Variants in TUT7 observed in about 807,000 individuals in gnomAD.
TUT7 encodes terminal uridylyl transferase 7.
TUT7 carries 33 observed loss-of-function variants against 165.9 expected under a neutral mutation model. That is an observed-to-expected ratio of 0.20 (90% CI 0.15 to 0.27). The LOEUF (loss-of-function observed/expected upper bound fraction) is 0.27, where lower values mean the gene tolerates loss of function less well. Among genes scored for constraint, TUT7 ranks in the 10% least tolerant of loss-of-function variants. The pLI is 1.00. For missense variants in TUT7, 1,338 were observed against 1,762.3 expected (o/e 0.76, Z 4.31); for synonymous variants, 552 against 608.1 (o/e 0.91, Z 1.36).
At chr9:86,322,587 T>C in intron 13 of TUT7, 112 bp from the exon 14 acceptor site, 1 of 1,345,392 alleles carries the variant, frequency 7.4e-7, no homozygotes, top group East Asian at 2.5e-5. Context: ...CCAAAGGAAA[T>C]GAAAATATAA....
At chr9:86,320,344 C>T (rs1029096933) in intron 14 of TUT7, among the ~76,000 whole-genome samples, 4 of 150,960 alleles carry the variant, frequency 2.6e-5, no homozygotes, top group African/African-American at 9.7e-5. Flanking sequence ...AAACAAGTTC[C>T]TTCATTTTAA....
At chr9:86,298,813 T>C in intron 26 of TUT7, 1 of 985,258 alleles carries the variant, frequency 1.0e-6, no homozygotes, top group Non-Finnish European at 1.2e-6. Flanking sequence ...TCTTTTTGTC[T>C]TCATGTAAAA....
At chr9:86,338,725 AT>A (rs1831063628) in intron 9 of TUT7, 97 bp downstream of exon 9, 1 of 1,302,050 alleles carries the variant, frequency 7.7e-7, no homozygotes, top group Admixed American at 2.9e-5. Context: ...ATGTCTATAA[AT>A]TTGCATTTAA....
intron 26 of TUT7, among the ~76,000 whole-genome samples, chr9:86,300,674 G>C (rs995064365): frequency 6.6e-6 from 1 of 152,220 alleles, no homozygotes; most frequent in South Asian, 2.1e-4. Context: ...CAGATTTGTG[G>C]ATGGTGTTGT....
chr9:86,314,773 G>A lies in TUT7; in HGVS notation c.3274+2446C>T, dbSNP rs1418950299. 2.6e-5 allele frequency among the ~76,000 whole-genome samples: 4 copies of A among 152,172 alleles called. No individual in the cohort carries two copies. The East Asian group carries it at 7.7e-4, about 29-fold the overall frequency. On this transcript the variant is annotated intron_variant, in intron 17 of 26. Coordinates refer to ENST00000375963, the MANE Select transcript of TUT7 (RefSeq NM_024617.4). ...CTTTCCCTCCTGAAGAAACTTCAGT[G>A]CTTCCAAATATCTATAGACTTCATC...
At chr9:86,315,321 A>C (rs866308087) in intron 17 of TUT7, among the ~76,000 whole-genome samples, 15 of 152,228 alleles carry the variant, frequency 9.9e-5, no homozygotes, top group African/African-American at 3.6e-4. Flanking sequence ...TAATCTAAAA[A>C]TGATCTGTTT....
At chr9:86,339,943 A>T (rs1427093823) in intron 8 of TUT7, 93 bp downstream of exon 8, 4 of 971,378 alleles carry the variant, frequency 4.1e-6, no homozygotes, top group African/African-American at 1.6e-5. Context: ...TAAAAAGCTT[A>T]TAATTCTAGA....
In TUT7 at chr9:86,329,299, G is replaced by A. The variant is rs568341740; in HGVS notation, c.1456-807C>T. On this transcript the variant is annotated intron_variant, in intron 10 of 26. Transcript: ENST00000375963. ...AGCACTTTGGGAGGCTGAGGTGGGC[G>A]GATCACCTAAGGTCAGGAGTTCGAG... Among the ~76,000 whole-genome samples, 982 of 152,024 alleles carry A rather than the reference G, an allele frequency of 6.5e-3. 2 individuals carry two copies. Among genetic ancestry groups the A allele is most frequent in the Non-Finnish European group, 9.6e-3 (654 of 67,978 alleles).
Position 86,300,573 on chromosome 9 carries a change from A to G in TUT7, c.4420+703T>C, listed in dbSNP as rs1217211250. ...TATTATACACACACAAGGTACCCTT[A>G]TAGTTAGTAGTCTGTTTAAAAGGTG... On this transcript the variant is annotated intron_variant, in intron 26 of 26. Coordinates refer to ENST00000375963, the MANE Select transcript of TUT7 (RefSeq NM_024617.4). Among the ~76,000 whole-genome samples, 12 of 152,366 alleles carry G rather than the reference A, an allele frequency of 7.9e-5. No individual in the cohort carries two copies. The East Asian group carries it at 2.1e-3, about 27-fold the overall frequency.
At chr9:86,314,820 T>C (rs538234736) in intron 17 of TUT7, among the ~76,000 whole-genome samples, 5 of 152,334 alleles carry the variant, frequency 3.3e-5, no homozygotes, top group Admixed American at 1.3e-4. Flanking sequence ...TATTTCCCAT[T>C]TGAAAATCTC....
intron 26 of TUT7, 114 bp downstream of exon 26, chr9:86,301,162 T>G: frequency 1.0e-6 from 1 of 982,820 alleles, no homozygotes; most frequent in South Asian, 1.8e-5. Context: ...AAGATCTTTT[T>G]TGAGTAAATA....
At position 86,323,090 on chromosome 9, in the gene TUT7, C is replaced by G. The variant is rs1387370224; in HGVS notation, c.2660G>C (p.Gly887Ala). 6.2e-7 allele frequency: 1 copy of G among 1,614,054 alleles called. No homozygotes were observed. Among genetic ancestry groups the G allele is most frequent in the African/African-American group, 1.3e-5 (1 of 74,920 alleles). Residue 887 changes from glycine (G) to alanine (A), a missense_variant, in exon 13 of 27, where the codon GGG (glycine) becomes GCG (alanine). Around this residue, in one of 7 missense-constraint regions of TUT7, gnomAD observed 425 missense variants for 474.9 expected, o/e 0.89. Coordinates refer to ENST00000375963, the MANE Select transcript of TUT7 (RefSeq NM_024617.4). ...CTCTTCAGATAGGGCGTCCTCATCC[C>G]CTGACCCAGTGTAGGTGTTGTCTAA... ...DELDNTYTGS[G>A]DEDALSEEDD...
intron 10 of TUT7, among the ~76,000 whole-genome samples, chr9:86,331,014 G>A (rs1280675902): frequency 2.6e-5 from 4 of 151,784 alleles, no homozygotes; most frequent in African/African-American, 4.8e-5. Flanking sequence ...CTGAGTAGCT[G>A]GGACTAGGGT....
chr9:86,289,655 A>G (rs1237629397), intron 26 of TUT7, among the ~76,000 whole-genome samples: 1 of 152,140 alleles, frequency 6.6e-6, no homozygotes, highest in Non-Finnish European at 1.5e-5. Context: ...AGAGAAAAGA[A>G]TGAACACCAA....
intron 11 of TUT7, among the ~76,000 whole-genome samples, 171 bp from the exon 12 acceptor site, chr9:86,325,685 AACAGCATTACTTC>A (rs1156449983): frequency 6.6e-6 from 1 of 152,362 alleles, no homozygotes; most frequent in East Asian, 1.9e-4. Context: ...TTTGTGGTAA[AACAGCATTACTTC>A]ACTGCACTAT....
At chr9:86,353,424 T>C (rs113974673) in intron 1 of TUT7, among the ~76,000 whole-genome samples, 194 bp from the exon 2 acceptor site, 4 of 152,146 alleles carry the variant, frequency 2.6e-5, no homozygotes. Context: ...GGTCCTCTAA[T>C]ATTCTTCATG....
At chr9:86,304,146 G>A (rs1827229581) in intron 24 of TUT7, among the ~76,000 whole-genome samples, 1 of 151,666 alleles carries the variant, frequency 6.6e-6, no homozygotes, top group African/African-American at 2.4e-5. Flanking sequence ...ATGGTGAGGT[G>A]ATATATATAT....
chr9:86,308,357 A>C lies in TUT7; in HGVS notation c.3838+72T>G, dbSNP rs149780239. The C allele has an allele frequency of 2.8e-4, 390 of 1,384,738 alleles. No homozygotes were observed. In the African/African-American group the frequency reaches 5.2e-3, roughly 19 times the overall value. 85.8% of individuals were successfully genotyped at this position (1,384,738 alleles called of 1,614,324 possible). On this transcript the variant is annotated intron_variant, in intron 22 of 26. Coordinates refer to ENST00000375963, the MANE Select transcript of TUT7 (RefSeq NM_024617.4). ...CCCAAGCAGCTGGAAGAGCTCTGCA[A>C]GGAGGAAGAACAATGTCCTTATAGT...
intron 9 of TUT7, among the ~76,000 whole-genome samples, chr9:86,338,337 C>T (rs539539233): frequency 6.6e-6 from 1 of 150,952 alleles, no homozygotes; most frequent in African/African-American, 2.4e-5. Context: ...ATTTTATAAT[C>T]ATGACTCAAC....
Sources: allele counts gnomAD v4.1 joint callset (sites outside exome capture counted in the v4.1 genomes callset), GRCh38; gene constraint gnomAD v4.1.1; regional missense constraint gnomAD v4.1.1; transcripts MANE v1.5; gene names NCBI Gene and HGNC (gene_info 2026-07-23, HGNC 2026-07-21).